DLGAP4: variants seen among roughly 807,000 people sequenced by gnomAD.
DLGAP4 encodes disks large-associated protein 4.
A neutral mutation model predicts 86.9 loss-of-function variants in DLGAP4; 18 were observed. The observed-to-expected ratio is 0.21, with a 90% CI of 0.14 to 0.31. The LOEUF (loss-of-function observed/expected upper bound fraction) is 0.31, where lower values mean the gene tolerates loss of function less well. Among genes scored for constraint, DLGAP4 ranks in the 10% least tolerant of loss-of-function variants. DLGAP4 has a pLI of 1.00. For synonymous variants in DLGAP4, 548 were observed against 574.3 expected (o/e 0.95, Z 0.65); for missense variants, 1,085 against 1,362.6 (o/e 0.80, Z 3.21).
In DLGAP4 at chr20:36,317,322, T is replaced by C. The variant is rs1397716877; in HGVS notation, c.-304+10810T>C. Among the ~76,000 whole-genome samples the C allele has an allele frequency of 2.8e-3, 24 of 8,462 alleles. 1 individual carries two copies. The highest frequency in any genetic ancestry group is 0.045 in the East Asian group (1 of 22). 5.6% of individuals were successfully genotyped at this position (8,462 alleles called of 152,430 possible). A position where few individuals can be genotyped will look rare whatever the true frequency, so the allele number is the denominator to read the frequency against. On this transcript the variant is annotated intron_variant, in intron 1 of 12. Coordinates refer to ENST00000339266, the MANE Select transcript of DLGAP4 (RefSeq NM_001365621.2). ...CTTTCTTTCTTCCTTCCTTCCTTCC[T>C]TCCTTCCTCTTTCTCTCTTTCTTTC...
chr20:36,448,816 T>C (rs557733012), intron 7 of DLGAP4, among the ~76,000 whole-genome samples: 1 of 152,174 alleles, frequency 6.6e-6, no homozygotes, highest in South Asian at 2.1e-4. Context: ...CACCTGTAGT[T>C]CTAGCTACTT....
rs572695684 is a variant in DLGAP4, at chr20:36,481,093, G to A, written c.1649-15612G>A. Among the ~76,000 whole-genome samples the A allele has an allele frequency of 2.6e-5, 4 of 152,324 alleles. No individual in the cohort carries two copies. The East Asian group carries it at 7.7e-4, about 29-fold the overall frequency. ...TGGATGTAAAGTAGAAGGGCAAAGA[G>A]CGTCTCAGGCCCGGTAGGAATCTTA... is the stretch of plus-strand genomic sequence containing the variant. On this transcript the variant is annotated intron_variant, in intron 7 of 12. Transcript: ENST00000339266.
intron 7 of DLGAP4, among the ~76,000 whole-genome samples, chr20:36,452,826 C>CTTTTT (rs1233444372): frequency 1.3e-4 from 12 of 90,794 alleles, no homozygotes; most frequent in African/African-American, 2.3e-4. Flanking sequence ...TTGTGTAAGT[C>CTTTTT]TTTTTTTTTT....
At chr20:36,468,129 G>C (rs927498749) in intron 7 of DLGAP4, among the ~76,000 whole-genome samples, 21 of 152,208 alleles carry the variant, frequency 1.4e-4, no homozygotes, top group Non-Finnish European at 2.4e-4. Flanking sequence ...CTTAAAGGTG[G>C]AAGAGTCAGA....
chr20:36,481,432 C>G (rs1413914752), intron 7 of DLGAP4, among the ~76,000 whole-genome samples: 2 of 152,214 alleles, frequency 1.3e-5, no homozygotes, highest in African/African-American at 2.4e-5. Flanking sequence ...AGCCATCCCT[C>G]ACTTTACGCT....
chr20:36,425,138 C>G (rs1408194810), intron 2 of DLGAP4, among the ~76,000 whole-genome samples: 1 of 152,096 alleles, frequency 6.6e-6, no homozygotes, highest in Non-Finnish European at 1.5e-5. Context: ...CAAAACCCCA[C>G]AAAGACAGAA....
rs144799810 is a variant in DLGAP4, at chr20:36,432,030, C to T, written c.313C>T (p.Leu105=). Residue 105 remains leucine (L), a synonymous_variant, in exon 3 of 13, where the codon CTG becomes TTG. Transcript: ENST00000339266. The surrounding 1 kb of genome is among the most constrained non-coding windows in gnomAD (Gnocchi z 6.5). Reference sequence around the variant, plus strand: ...GATCAACCGGCTGCCCGCCAACCTCCTGGACCAGTTTGAGAAGCAGCTGCC... The same window carrying T: ...GATCAACCGGCTGCCCGCCAACCTCTTGGACCAGTTTGAGAAGCAGCTGCC... ...TKINRLPANL[L]DQFEKQLPIH... 2.5e-6 allele frequency: 4 copies of T among 1,614,204 alleles called. No homozygotes were observed. Among genetic ancestry groups the T allele is most frequent in the Non-Finnish European group, 2.5e-6 (3 of 1,180,044 alleles).
rs1320483891 is a variant in DLGAP4 at position 36,363,507 on chromosome 20, G to A, written c.-303-3538G>A. 4.6e-5 allele frequency among the ~76,000 whole-genome samples: 7 copies of A among 152,142 alleles called. No individual in the cohort carries two copies. The East Asian group carries it at 1.2e-3, about 25-fold the overall frequency. On this transcript the variant is annotated intron_variant, in intron 1 of 12. Coordinates refer to ENST00000339266, the MANE Select transcript of DLGAP4 (RefSeq NM_001365621.2). The stretch of plus-strand genomic sequence containing the variant: ...GCAGCAGGGTGGGGAAAGGAGGACC[G>A]GTGGCACTGCTGATGGCTTGCGTGT...
intron 8 of DLGAP4, chr20:36,499,357 T>G (rs1442957569): frequency 2.7e-6 from 3 of 1,113,834 alleles, no homozygotes; most frequent in Non-Finnish European, 2.3e-6. Flanking sequence ...CCATCCCACC[T>G]CCCGCCCACC....
intron 4 of DLGAP4, among the ~76,000 whole-genome samples, chr20:36,437,134 G>C (rs1407044344): frequency 1.1e-4 from 16 of 152,172 alleles, no homozygotes; most frequent in Admixed American, 1.0e-3. Context: ...GGCCCCCTAA[G>C]TGAACCCGCC....
intron 1 of DLGAP4, among the ~76,000 whole-genome samples, chr20:36,361,909 G>A (rs2030534030): frequency 6.6e-6 from 1 of 151,528 alleles, no homozygotes; most frequent in African/African-American, 2.4e-5. Flanking sequence ...AACCCGGGAG[G>A]CGGAGGTTGC....
intron 2 of DLGAP4, among the ~76,000 whole-genome samples, chr20:36,377,510 G>C (rs188224576): frequency 6.6e-6 from 1 of 152,226 alleles, no homozygotes. Context: ...GTGAATGGTG[G>C]CTATTATTAC....
intron 1 of DLGAP4, among the ~76,000 whole-genome samples, chr20:36,360,844 G>A (rs1179320442): frequency 2.0e-5 from 3 of 152,068 alleles, no homozygotes; most frequent in Non-Finnish European, 2.9e-5. Flanking sequence ...GGTGTCATCA[G>A]GGCAGGGTGG....
chr20:36,446,781 C>G lies in DLGAP4; in HGVS notation c.1492C>G (p.Leu498Val). 1 of 1,612,854 alleles carries G rather than the reference C, an allele frequency of 6.2e-7. No homozygotes were observed. Residue 498 changes from leucine to valine, a missense_variant, in exon 7 of 13, where the codon CTT (leucine) becomes GTT (valine). Transcript: ENST00000339266. The stretch of plus-strand genomic sequence containing the variant: ...AGCGGAGTCCACAGCGGCAGAGACG[C>G]TTGACTTGCCACTGCCCAGCTACTT... ...SEAESTAAET[L>V]DLPLPSYFRS...
At chr20:36,381,528 GGAAA>G (rs757487315) in intron 2 of DLGAP4, among the ~76,000 whole-genome samples, 2 of 152,328 alleles carry the variant, frequency 1.3e-5, no homozygotes, top group African/African-American at 2.4e-5. Flanking sequence ...GAAGAAGCAG[GGAAA>G]GAAAGTCATT....
chr20:36,320,353 C>T (rs113791710), intron 1 of DLGAP4, among the ~76,000 whole-genome samples: 144 of 151,938 alleles, frequency 9.5e-4, no homozygotes, highest in African/African-American at 3.4e-3. Flanking sequence ...TGTGCCTGGC[C>T]GACATTCAAG....
chr20:36,509,138 A>G (rs2036547087), intron 10 of DLGAP4, among the ~76,000 whole-genome samples: 1 of 152,162 alleles, frequency 6.6e-6, no homozygotes. Flanking sequence ...TATTTTTCAA[A>G]TTGTCTGGGC....
chr20:36,439,111 C>T (rs2033373091), intron 4 of DLGAP4, among the ~76,000 whole-genome samples: 1 of 152,140 alleles, frequency 6.6e-6, no homozygotes, highest in South Asian at 2.1e-4. Context: ...GTAACAGCTG[C>T]CGTCTGTTAG....
At chr20:36,503,547 G>T (rs1039866020) in intron 10 of DLGAP4, among the ~76,000 whole-genome samples, 3 of 145,676 alleles carry the variant, frequency 2.1e-5, no homozygotes, top group African/African-American at 8.0e-5. Context: ...GAGTGCAGTG[G>T]CGCGATCTTG....
Sources: gnomAD v4.1 joint callset for allele counts (sites outside exome capture counted in the v4.1 genomes callset) on GRCh38, gnomAD v4.1.1 for gene constraint, Gnocchi (gnomAD v3.1) non-coding constraint, MANE v1.5 for transcripts, NCBI Gene and HGNC (gene_info 2026-07-23, HGNC 2026-07-21) for gene names.